Variants in COL25A1 observed in about 807,000 individuals in gnomAD.
COL25A1 encodes the protein collagen type XXV alpha 1 chain, also known as collagen alpha-1(XXV) chain.
COL25A1 carries 103 observed loss-of-function variants against 128.4 expected under a neutral mutation model. The ratio of observed to expected loss-of-function variants is 0.80; its 90% CI spans 0.68 to 0.94. COL25A1 has a LOEUF of 0.94. Among genes scored for constraint, COL25A1 ranks in the 40% least tolerant of loss-of-function variants. The pLI is 0.00. For synonymous variants in COL25A1, 279 were observed against 277.2 expected (o/e 1.01, Z -0.06); for missense variants, 745 against 840.0 (o/e 0.89, Z 1.40).
chr4:108,866,308 T>C (rs1349586323), intron 20 of COL25A1, among the ~76,000 whole-genome samples: 1 of 151,296 alleles, frequency 6.6e-6, no homozygotes, highest in African/African-American at 2.4e-5. Context: ...TCCTTCCACC[T>C]CAGCCTCCTA....
At chr4:108,879,453 T>C (rs2125827504) in intron 19 of COL25A1, among the ~76,000 whole-genome samples, 1 of 152,322 alleles carries the variant, frequency 6.6e-6, no homozygotes, top group Admixed American at 6.5e-5. Context: ...TTTTTTTTGT[T>C]GTTGTTCTTC....
chr4:109,069,748 G>A (rs1013404952), intron 3 of COL25A1, among the ~76,000 whole-genome samples: 3 of 152,070 alleles, frequency 2.0e-5, no homozygotes, highest in Non-Finnish European at 2.9e-5. Flanking sequence ...CCTCTATGGC[G>A]CTATTTTCTT....
At chr4:109,012,672 G>A (rs561905558) in intron 5 of COL25A1, among the ~76,000 whole-genome samples, 2 of 152,146 alleles carry the variant, frequency 1.3e-5, no homozygotes, top group African/African-American at 2.4e-5. Context: ...TGGCCCGCCC[G>A]CACCACGCTT....
chr4:109,301,727 G>C lies in COL25A1; in HGVS notation c.293C>G (p.Ala98Gly). ...AAATACCCCAGCCTCTCACACCTGAGCCAGAAGTCGCTCCACTTTCTCTTG... is the reference window on the plus strand; with the variant it reads ...AAATACCCCAGCCTCTCACACCTGACCCAGAAGTCGCTCCACTTTCTCTTG... ...MVQEKVERLL[A>G]QKSYEHMAKI... The change falls in exon 2 of 38, where the codon GCT (alanine) becomes GGT (glycine). Residue 98 changes from alanine to glycine, a missense_variant. Coordinates refer to ENST00000399132, the MANE Select transcript of COL25A1 (RefSeq NM_198721.4). 6.2e-7 allele frequency: 1 copy of C among 1,612,460 alleles called. No individual in the cohort carries two copies. Among genetic ancestry groups the C allele is most frequent in the South Asian group, 1.1e-5 (1 of 91,020 alleles).
intron 6 of COL25A1, among the ~76,000 whole-genome samples, chr4:108,985,091 T>C (rs890719238): frequency 6.6e-6 from 1 of 152,188 alleles, no homozygotes; most frequent in Non-Finnish European, 1.5e-5. Context: ...TTCCAATGTA[T>C]ATTGGATCTC....
chr4:109,297,862 C>CTTTTTTTTTTTTTTT (rs35099153), intron 3 of COL25A1, among the ~76,000 whole-genome samples: 4 of 63,832 alleles, frequency 6.3e-5, no homozygotes, highest in Admixed American at 2.4e-4. Context: ...TTTTCCTTTT[C>CTTTTTTTTTTTTTTT]TTTTTTTTTT....
chr4:109,267,135 T>G (rs1305399812), intron 3 of COL25A1, among the ~76,000 whole-genome samples: 2 of 152,180 alleles, frequency 1.3e-5, no homozygotes, highest in Non-Finnish European at 2.9e-5. Flanking sequence ...AATGCTAACC[T>G]ATAGCTCTCT....
chr4:109,084,998 C>G (rs1764226298), intron 3 of COL25A1, among the ~76,000 whole-genome samples: 1 of 152,298 alleles, frequency 6.6e-6, no homozygotes, highest in East Asian at 1.9e-4. Context: ...TAACCTTTCT[C>G]TTTTTTCAGT....
chr4:109,059,922 AAAAAC>A, intron 3 of COL25A1, among the ~76,000 whole-genome samples: 2 of 152,296 alleles, frequency 1.3e-5, no homozygotes, highest in South Asian at 4.1e-4. Flanking sequence ...TCTGCCAGTT[AAAAAC>A]AAAACAAAAC....
Position 108,809,761 on chromosome 4 carries a change from A to G in COL25A1, c.*4166T>C, listed in dbSNP as rs1270876170. On this transcript the variant is annotated 3_prime_UTR_variant, in exon 38 of 38. Transcript: ENST00000399132. The stretch of plus-strand genomic sequence containing the variant: ...TAAAGATATCCCAAGAAAAATGGGA[A>G]GAAGTAGGGACTGACAGTCCTCCTA... 6.6e-6 allele frequency: 1 copy of G among 152,096 alleles called. No homozygotes were observed. The highest frequency in any genetic ancestry group is 1.5e-5 in the Non-Finnish European group (1 of 67,912). The allele number at this position is 152,096 out of a possible 1,614,324, so 9.4% of individuals were successfully genotyped here.
chr4:108,819,234 G>C lies in COL25A1; in HGVS notation c.1923+18C>G, dbSNP rs188006559. The C allele has an allele frequency of 2.5e-4, 401 of 1,581,524 alleles. 2 individuals carry two copies. In the Middle Eastern group the frequency reaches 3.1e-3, roughly 12 times the overall value. On this transcript the variant is annotated intron_variant, in intron 36 of 37. Coordinates refer to ENST00000399132, the MANE Select transcript of COL25A1 (RefSeq NM_198721.4). ...AAAGGAACTGCATGCAGGGTGGTAGGAAAGAGAAATACTGTACCAATTGGC... is the reference window on the plus strand; with the variant it reads ...AAAGGAACTGCATGCAGGGTGGTAGCAAAGAGAAATACTGTACCAATTGGC...
intron 13 of COL25A1, among the ~76,000 whole-genome samples, chr4:108,912,805 T>G (rs1170414978): frequency 6.6e-6 from 1 of 152,078 alleles, no homozygotes; most frequent in Non-Finnish European, 1.5e-5. Flanking sequence ...ATACTTACAA[T>G]AAAAATGCCA....
chr4:109,090,344 T>C (rs1320675147), intron 3 of COL25A1, among the ~76,000 whole-genome samples: 1 of 152,182 alleles, frequency 6.6e-6, no homozygotes, highest in Non-Finnish European at 1.5e-5. Flanking sequence ...TTTATTTTTC[T>C]TCTACCTTTT....
At chr4:109,241,048 C>T (rs1779867275) in intron 3 of COL25A1, among the ~76,000 whole-genome samples, 1 of 152,024 alleles carries the variant, frequency 6.6e-6, no homozygotes, top group South Asian at 2.1e-4. Context: ...CCTCTGTCAT[C>T]TACTTGTTGA....
intron 30 of COL25A1, among the ~76,000 whole-genome samples, chr4:108,843,199 A>G (rs1044163869): frequency 2.0e-5 from 3 of 151,664 alleles, no homozygotes; most frequent in Admixed American, 6.6e-5. Flanking sequence ...AGAAAGAAGA[A>G]GGAAGAAGGA....
At chr4:108,833,841 A>C (rs1733453413) in intron 31 of COL25A1, among the ~76,000 whole-genome samples, 1 of 152,210 alleles carries the variant, frequency 6.6e-6, no homozygotes, top group South Asian at 2.1e-4. Context: ...GTTAAGAACC[A>C]AAGAAAAAAA....
chr4:109,159,680 G>T (rs78833785), intron 3 of COL25A1, among the ~76,000 whole-genome samples: 2,561 of 152,280 alleles, frequency 0.017, 41 homozygotes, highest in Non-Finnish European at 0.027. Flanking sequence ...TAAGGAAAAG[G>T]CTCCAATTTG....
chr4:108,987,382 CTT>C (rs36004961), intron 6 of COL25A1, among the ~76,000 whole-genome samples: 14 of 141,738 alleles, frequency 9.9e-5, no homozygotes, highest in South Asian at 4.6e-4. Flanking sequence ...TTTTCTTTTT[CTT>C]TTTTTTTTTG....
chr4:109,070,575 T>G (rs2125981913), intron 3 of COL25A1, among the ~76,000 whole-genome samples: 1 of 152,188 alleles, frequency 6.6e-6, no homozygotes, highest in East Asian at 1.9e-4. Context: ...CTAGGGTACA[T>G]GTGCACAACG....
Sources: gnomAD v4.1 joint callset for allele counts (sites outside exome capture counted in the v4.1 genomes callset) on GRCh38, gnomAD v4.1.1 for gene constraint, MANE v1.5 for transcripts, NCBI Gene and HGNC (gene_info 2026-07-23, HGNC 2026-07-21) for gene names.